Variants in TANC2 observed in about 807,000 individuals in gnomAD.
TANC2 encodes the protein protein TANC2.
A neutral mutation model predicts 210.5 loss-of-function variants in TANC2; 26 were observed. The ratio of observed to expected loss-of-function variants is 0.12; its 90% CI spans 0.09 to 0.17. The LOEUF (loss-of-function observed/expected upper bound fraction) is 0.17, where lower values mean the gene tolerates loss of function less well. TANC2 is among the 10% of genes least tolerant of loss of function. The pLI, the probability that TANC2 is intolerant of heterozygous loss-of-function variation, is 1.00. For synonymous variants in TANC2, 931 were observed against 967.1 expected (o/e 0.96, Z 0.69); for missense variants, 2,129 against 2,608.9 (o/e 0.82, Z 4.01).
intron 4 of TANC2, among the ~76,000 whole-genome samples, chr17:63,113,776 G>A (rs2038145527): frequency 6.6e-6 from 1 of 152,208 alleles, no homozygotes. Flanking sequence ...CCAAAGCACT[G>A]AGATTACAGG....
chr17:63,409,377 A>AG (rs892832479), intron 21 of TANC2, among the ~76,000 whole-genome samples: 1 of 152,012 alleles, frequency 6.6e-6, no homozygotes, highest in African/African-American at 2.4e-5. Flanking sequence ...TTGTAGAGAC[A>AG]GTCTCACCAT....
intron 9 of TANC2, among the ~76,000 whole-genome samples, chr17:63,314,107 GTAA>G (rs904660223): frequency 6.6e-6 from 1 of 152,150 alleles, no homozygotes; most frequent in African/African-American, 2.4e-5. Context: ...TCCCTTCCCT[GTAA>G]TAATTTTGAA....
At chr17:63,133,689 A>G (rs549585468) in intron 4 of TANC2, among the ~76,000 whole-genome samples, 9 of 152,316 alleles carry the variant, frequency 5.9e-5, no homozygotes, top group African/African-American at 2.2e-4. Context: ...TTACCTAGTC[A>G]GCATATTTTC....
At chr17:63,001,463 A>G (rs1407666833) in intron 1 of TANC2, among the ~76,000 whole-genome samples, 2 of 151,108 alleles carry the variant, frequency 1.3e-5, no homozygotes, top group Non-Finnish European at 2.9e-5. Context: ...AGAGCCTACC[A>G]TGAACTAGGT....
At chr17:63,035,712 G>A (rs1402427384) in intron 2 of TANC2, among the ~76,000 whole-genome samples, 1 of 152,106 alleles carries the variant, frequency 6.6e-6, no homozygotes, top group East Asian at 1.9e-4. Context: ...GTATCTGTAG[G>A]GCTGATGCCT....
intron 2 of TANC2, among the ~76,000 whole-genome samples, chr17:63,028,951 A>G (rs574241309): frequency 1.2e-4 from 18 of 152,110 alleles, no homozygotes; most frequent in Non-Finnish European, 2.4e-4. Flanking sequence ...GATATATGAT[A>G]AAGATATAAT....
At chr17:63,377,185 C>T (rs1197468688) in intron 14 of TANC2, among the ~76,000 whole-genome samples, 1 of 152,226 alleles carries the variant, frequency 6.6e-6, no homozygotes, top group Non-Finnish European at 1.5e-5. Flanking sequence ...GAGGGGCTGC[C>T]ATGAAAACCT....
At chr17:63,273,900 T>A (rs2043794198) in intron 9 of TANC2, among the ~76,000 whole-genome samples, 1 of 152,214 alleles carries the variant, frequency 6.6e-6, no homozygotes, top group Non-Finnish European at 1.5e-5. Flanking sequence ...GTCTTAAACC[T>A]TGCAGGTGAT....
chr17:62,988,049 GTAA>G (rs1452084812), intron 1 of TANC2, among the ~76,000 whole-genome samples: 2 of 152,112 alleles, frequency 1.3e-5, no homozygotes, highest in Admixed American at 1.3e-4. Flanking sequence ...CTTGATGAGA[GTAA>G]TAATTTTTAT....
intron 8 of TANC2, among the ~76,000 whole-genome samples, chr17:63,261,902 G>A (rs2043368315): frequency 6.6e-6 from 1 of 152,158 alleles, no homozygotes; most frequent in Non-Finnish European, 1.5e-5. Context: ...AATGAGGCTA[G>A]TTCCAACAGT....
Position 63,420,401 on chromosome 17 carries a change from T to G in TANC2, c.4671T>G (p.Ser1557=). 1 of 1,614,006 alleles carries G rather than the reference T, an allele frequency of 6.2e-7. No individual in the cohort carries two copies. Among genetic ancestry groups the G allele is most frequent in the East Asian group, 2.2e-5 (1 of 44,872 alleles). Residue 1557 remains serine, a synonymous_variant, in exon 28 of 28, where the codon TCT becomes TCG. Transcript: ENST00000689528. This position sits in a 1 kb window ranked among gnomAD's most constrained non-coding sequence, Gnocchi z 4.2. ...TTTTTGACTTCCGGTCCAGTAGTTC[T>G]GTAGGCTCTCCCACTAGACAGACCT... is the stretch of plus-strand genomic sequence containing the variant.
At chr17:63,371,013 C>G (rs994497014) in intron 14 of TANC2, among the ~76,000 whole-genome samples, 8 of 152,212 alleles carry the variant, frequency 5.3e-5, no homozygotes, top group African/African-American at 1.9e-4. Flanking sequence ...CACTAGGTCT[C>G]TTTAAATAAC....
At chr17:63,282,696 C>T (rs370606278) in intron 9 of TANC2, among the ~76,000 whole-genome samples, 6 of 152,156 alleles carry the variant, frequency 3.9e-5, no homozygotes, top group African/African-American at 1.2e-4. Context: ...TGGTACACAG[C>T]GTGGTCAATC....
intron 20 of TANC2, 94 bp downstream of exon 20, chr17:63,405,349 T>C (rs1171453323): frequency 1.4e-6 from 2 of 1,392,742 alleles, no homozygotes; most frequent in Non-Finnish European, 1.9e-6. Context: ...AAGTAAAGTT[T>C]GGGTTACCCA....
chr17:63,346,794 C>T (rs1042163802), intron 12 of TANC2, among the ~76,000 whole-genome samples: 1 of 152,154 alleles, frequency 6.6e-6, no homozygotes, highest in Non-Finnish European at 1.5e-5. Flanking sequence ...AGCCTCGACC[C>T]CCTCGGCTCA....
At chr17:63,134,788 T>G (rs1181859651) in intron 4 of TANC2, among the ~76,000 whole-genome samples, 1 of 152,292 alleles carries the variant, frequency 6.6e-6, no homozygotes, top group South Asian at 2.1e-4. Flanking sequence ...AGTTACTGTG[T>G]TTTTTACTTT....
chr17:63,358,379 ATGTGT>A (rs2046847471), intron 14 of TANC2, among the ~76,000 whole-genome samples: 14 of 139,540 alleles, frequency 1.0e-4, no homozygotes, highest in African/African-American at 3.6e-4. Flanking sequence ...GAGAGAGAGT[ATGTGT>A]GTGTGTGTGT....
intron 12 of TANC2, 136 bp from the exon 13 acceptor site, chr17:63,351,114 G>T (rs760013889): frequency 1.3e-6 from 1 of 764,076 alleles, no homozygotes; most frequent in Non-Finnish European, 2.0e-6. Context: ...AATAAATTAT[G>T]TACCCTGAGC....
chr17:63,080,507 G>A (rs905090389), intron 3 of TANC2, among the ~76,000 whole-genome samples: 1 of 152,216 alleles, frequency 6.6e-6, no homozygotes, highest in Non-Finnish European at 1.5e-5. Flanking sequence ...GGAAAATGCG[G>A]ACGATGTGGC....
Sources: allele counts gnomAD v4.1 joint callset (sites outside exome capture counted in the v4.1 genomes callset), GRCh38; gene constraint gnomAD v4.1.1; non-coding constraint Gnocchi (gnomAD v3.1); transcripts MANE v1.5; gene names NCBI Gene and HGNC (gene_info 2026-07-23, HGNC 2026-07-21).